TENM3: variants seen among roughly 807,000 people sequenced by gnomAD.
TENM3 encodes teneurin-3.
In TENM3, 63 loss-of-function variants were observed where a neutral mutation model predicts 255.1. That is an observed-to-expected ratio of 0.25 (90% CI 0.20 to 0.30). TENM3 has a LOEUF of 0.30. Ranked by LOEUF, TENM3 falls within the 10% of genes least tolerant of loss-of-function variation. TENM3 has a pLI of 1.00. For missense variants in TENM3, 2,929 were observed against 3,461.1 expected, an observed-to-expected ratio of 0.85 and a Z score of 3.86; for synonymous variants, 1,306 against 1,322.3, an observed-to-expected ratio of 0.99 and a Z score of 0.27.
the TENM3 span, among the ~76,000 whole-genome samples, chr4:181,926,084 A>T: frequency 6.6e-6 from 1 of 152,228 alleles, no homozygotes; most frequent in Non-Finnish European, 1.5e-5. Context: ...TAAATGTTCT[A>T]TAGAATATGC....
the TENM3 span, among the ~76,000 whole-genome samples, chr4:182,041,754 G>C: frequency 6.6e-6 from 1 of 152,120 alleles, no homozygotes; most frequent in Non-Finnish European, 1.5e-5. Flanking sequence ...GTAAGTCCCA[G>C]GAACCAAAAT....
chr4:182,289,809 T>C (rs1380918294), intron 1 of TENM3, among the ~76,000 whole-genome samples: 1 of 152,198 alleles, frequency 6.6e-6, no homozygotes, highest in African/African-American at 2.4e-5. Context: ...CATTTTCCAA[T>C]GTCTTCAGAA....
chr4:182,451,992 T>C (rs944292136), intron 3 of TENM3, among the ~76,000 whole-genome samples: 1 of 152,260 alleles, frequency 6.6e-6, no homozygotes, highest in Admixed American at 6.5e-5. Context: ...TGAGTTATTT[T>C]ATAGTAACTT....
At chr4:182,255,813 AT>A (rs199657370) in intron 1 of TENM3, among the ~76,000 whole-genome samples, 7 of 151,588 alleles carry the variant, frequency 4.6e-5, no homozygotes, top group South Asian at 4.2e-4. Context: ...CATTGTTAAC[AT>A]TTTTTTTTCC....
At chr4:181,783,656 T>C in the TENM3 span, among the ~76,000 whole-genome samples, 1 of 152,178 alleles carries the variant, frequency 6.6e-6, no homozygotes, top group Non-Finnish European at 1.5e-5. Flanking sequence ...GAACCAAAAA[T>C]ATGTAGCTTT....
the TENM3 span, among the ~76,000 whole-genome samples, chr4:181,854,637 G>T: frequency 6.6e-6 from 1 of 152,170 alleles, no homozygotes; most frequent in Non-Finnish European, 1.5e-5. Flanking sequence ...GCATGCCTTT[G>T]TCTGAGACTT....
chr4:181,618,921 T>G, the TENM3 span, among the ~76,000 whole-genome samples: 1 of 152,210 alleles, frequency 6.6e-6, no homozygotes, highest in East Asian at 1.9e-4. Flanking sequence ...CTTGCTGTGA[T>G]GGGTGCTTCC....
rs762025938 is a variant in TENM3 at position 182,346,655 on chromosome 4, G to C, written c.237G>C (p.Gln79His). 17 of 1,613,382 alleles carry C rather than the reference G, an allele frequency of 1.1e-5. No individual in the cohort carries two copies. Among genetic ancestry groups the C allele is most frequent in the Admixed American group, 1.7e-5 (1 of 59,974 alleles). Residue 79 changes from glutamine to histidine, a missense_variant, in exon 3 of 28, where the codon CAG becomes CAC. Around this residue, in one of 6 missense-constraint regions of TENM3, gnomAD observed 283 missense variants for 256.9 expected, o/e 1.10. Coordinates refer to ENST00000511685, the MANE Select transcript of TENM3 (RefSeq NM_001080477.4). ...TCTTTTTTTCCCCCTAATTAGGACA[G>C]AATTTTACCCTAAGGCAGTTAGGAG... ...READEFTRQG[Q>H]NFTLRQLGVC...
At chr4:181,955,485 C>G in the TENM3 span, among the ~76,000 whole-genome samples, 1 of 152,264 alleles carries the variant, frequency 6.6e-6, no homozygotes, top group East Asian at 1.9e-4. Flanking sequence ...AGTGCAAAGG[C>G]TTACAGTCCT....
At chr4:181,867,673 G>A in the TENM3 span, among the ~76,000 whole-genome samples, 1 of 152,136 alleles carries the variant, frequency 6.6e-6, no homozygotes, top group Non-Finnish European at 1.5e-5. Flanking sequence ...AATACATCAG[G>A]AAATAGGTAA....
intron 3 of TENM3, among the ~76,000 whole-genome samples, chr4:182,519,182 A>G (rs890409095): frequency 2.6e-5 from 4 of 152,208 alleles, no homozygotes; most frequent in African/African-American, 9.6e-5. Context: ...AAAAAATGTA[A>G]AATATGTCAA....
chr4:181,451,680 A>C, the TENM3 span, among the ~76,000 whole-genome samples: 1 of 152,210 alleles, frequency 6.6e-6, no homozygotes, highest in Non-Finnish European at 1.5e-5. Flanking sequence ...GAAGGGGCCA[A>C]CAATGACTCT....
At chr4:181,731,544 G>T in the TENM3 span, among the ~76,000 whole-genome samples, 1 of 151,990 alleles carries the variant, frequency 6.6e-6, no homozygotes, top group Non-Finnish European at 1.5e-5. Flanking sequence ...GTAGATGTAG[G>T]GTTTCACCAT....
chr4:181,635,407 A>G, the TENM3 span, among the ~76,000 whole-genome samples: 1 of 152,230 alleles, frequency 6.6e-6, no homozygotes, highest in Non-Finnish European at 1.5e-5. Context: ...CCATCGAATG[A>G]TCAAGTTGAT....
the TENM3 span, among the ~76,000 whole-genome samples, chr4:181,953,312 G>C: frequency 3.3e-5 from 5 of 151,578 alleles, no homozygotes; most frequent in African/African-American, 1.2e-4. Flanking sequence ...ATCAGTCTTT[G>C]TGAATGTCAA....
the TENM3 span, among the ~76,000 whole-genome samples, chr4:182,077,199 A>C: frequency 6.6e-6 from 1 of 152,136 alleles, no homozygotes; most frequent in African/African-American, 2.4e-5. Context: ...TTTTGTTCTA[A>C]AATCCTATGG....
the TENM3 span, among the ~76,000 whole-genome samples, chr4:181,596,551 T>C: frequency 1.3e-5 from 2 of 152,164 alleles, no homozygotes; most frequent in African/African-American, 4.8e-5. Flanking sequence ...AACCCAACTA[T>C]TAAGTTTTTG....
At chr4:181,487,941 C>G in the TENM3 span, among the ~76,000 whole-genome samples, 2 of 152,158 alleles carry the variant, frequency 1.3e-5, no homozygotes, top group Admixed American at 6.5e-5. Context: ...TTCCAAAACT[C>G]TAGAGGTAAT....
chr4:182,575,504 C>T (rs1744830297), intron 3 of TENM3, among the ~76,000 whole-genome samples: 1 of 152,142 alleles, frequency 6.6e-6, no homozygotes, highest in Non-Finnish European at 1.5e-5. Context: ...CGATAGTTTG[C>T]AGACTTCTGG....
Sources: allele counts gnomAD v4.1 joint callset (sites outside exome capture counted in the v4.1 genomes callset), GRCh38; gene constraint gnomAD v4.1.1; regional missense constraint gnomAD v4.1.1; transcripts MANE v1.5; gene names NCBI Gene and HGNC (gene_info 2026-07-23, HGNC 2026-07-21).